The following EXPH5 variants were observed in gnomAD, a reference collection of about 807,000 sequenced individuals.
EXPH5 encodes exophilin-5.
EXPH5 carries 42 observed loss-of-function variants against 41.1 expected under a neutral mutation model. The observed-to-expected ratio is 1.02, with a 90% CI of 0.80 to 1.32. The LOEUF (loss-of-function observed/expected upper bound fraction) is 1.32. EXPH5 is among the 40% of genes most tolerant of loss of function. The pLI, the probability that EXPH5 is intolerant of heterozygous loss-of-function variation, is 0.00. For synonymous variants in EXPH5, 798 were observed against 833.5 expected (o/e 0.96, Z 0.73); for missense variants, 2,298 against 2,314.5 (o/e 0.99, Z 0.15).
At chr11:108,580,692 CAT>C (rs34683420) in intron 1 of EXPH5, among the ~76,000 whole-genome samples, 46,372 of 151,922 alleles carry the variant, frequency 0.31, 7,954 homozygotes, top group Middle Eastern at 0.44. Context: ...GAAAATGTGG[CAT>C]ATATATACTG....
intron 1 of EXPH5, among the ~76,000 whole-genome samples, chr11:108,571,364 G>C (rs2094059359): frequency 6.6e-6 from 1 of 152,198 alleles, no homozygotes; most frequent in African/African-American, 2.4e-5. Flanking sequence ...GCTGAGAATA[G>C]GGGAGAAACT....
Position 108,513,457 on chromosome 11 carries a change from G to A in EXPH5, c.2050C>T (p.Pro684Ser). The change falls in exon 6 of 6, where the codon CCT (proline) becomes TCT (serine). Residue 684 changes from proline (P) to serine (S), a missense_variant. Pro to Ser is a moderately conservative substitution (Grantham distance 74). Transcript: ENST00000265843. ...ATATTGGGCTGGCTTTTGGCAAGAG[G>A]CAGAGAGTCAACTGAATTGCTGCTG... Reference protein sequence around the residue: ...VTSSNSVDSLPLAKSQPNILV... With the variant: ...VTSSNSVDSLSLAKSQPNILV... 6.2e-7 allele frequency: 1 copy of A among 1,613,576 alleles called. No individual in the cohort carries two copies. Among genetic ancestry groups the A allele is most frequent in the Non-Finnish European group, 8.5e-7 (1 of 1,179,722 alleles).
At chr11:108,586,262 T>G (rs2094112547) in intron 1 of EXPH5, among the ~76,000 whole-genome samples, 1 of 152,186 alleles carries the variant, frequency 6.6e-6, no homozygotes, top group Non-Finnish European at 1.5e-5. Flanking sequence ...AATGAATTAT[T>G]TATACATACG....
At chr11:108,562,466 G>A (rs2094016982) in intron 1 of EXPH5, among the ~76,000 whole-genome samples, 1 of 151,466 alleles carries the variant, frequency 6.6e-6, no homozygotes, top group African/African-American at 2.4e-5. Flanking sequence ...AAAATTAGCT[G>A]GGTATGCTGG....
intron 1 of EXPH5, among the ~76,000 whole-genome samples, chr11:108,579,208 T>TC (rs1276958782): frequency 6.6e-6 from 1 of 152,048 alleles, no homozygotes; most frequent in African/African-American, 2.4e-5. Context: ...GAGTTTTTTT[T>TC]TTTTTTATCA....
the EXPH5 span, among the ~76,000 whole-genome samples, chr11:108,599,231 A>C: frequency 1.3e-5 from 2 of 152,206 alleles, no homozygotes; most frequent in Non-Finnish European, 2.9e-5. Flanking sequence ...ATAAGGATTA[A>C]ATGTTTTAAA....
chr11:108,538,663 A>G (rs536738686), intron 3 of EXPH5, among the ~76,000 whole-genome samples: 1 of 152,320 alleles, frequency 6.6e-6, no homozygotes, highest in South Asian at 2.1e-4. Context: ...ACCAGGACAC[A>G]TACTCTGCAA....
chr11:108,545,200 G>C (rs1197548768), intron 1 of EXPH5, among the ~76,000 whole-genome samples: 2 of 152,172 alleles, frequency 1.3e-5, no homozygotes, highest in Non-Finnish European at 2.9e-5. Context: ...GATTGCTTGA[G>C]TCCAGGAATT....
chr11:108,517,849 C>T (rs1312139764), intron 5 of EXPH5, among the ~76,000 whole-genome samples: 1 of 152,166 alleles, frequency 6.6e-6, no homozygotes, highest in Middle Eastern at 3.4e-3. Context: ...ACCTCCGCCT[C>T]CCAGGTTCAA....
At chr11:108,521,824 T>A (rs2093766715) in intron 4 of EXPH5, among the ~76,000 whole-genome samples, 2 of 152,224 alleles carry the variant, frequency 1.3e-5, no homozygotes, top group South Asian at 4.1e-4. Flanking sequence ...GTAGGCATAA[T>A]TCTCTCTCGA....
At chr11:108,534,023 G>A (rs1381066047) in intron 3 of EXPH5, among the ~76,000 whole-genome samples, 1 of 152,080 alleles carries the variant, frequency 6.6e-6, no homozygotes. Context: ...TCAAACTCTT[G>A]GCCTCAAGTG....
chr11:108,599,672 T>A, the EXPH5 span, among the ~76,000 whole-genome samples: 1 of 152,244 alleles, frequency 6.6e-6, no homozygotes, highest in Non-Finnish European at 1.5e-5. Flanking sequence ...TTATAGCAAT[T>A]CTACCTACTT....
intron 1 of EXPH5, among the ~76,000 whole-genome samples, chr11:108,547,383 G>A (rs1198721015): frequency 6.6e-6 from 1 of 151,858 alleles, no homozygotes; most frequent in East Asian, 1.9e-4. Flanking sequence ...TTGTAGAGAT[G>A]GAGATCTCTA....
chr11:108,593,327 G>A, intron 1 of EXPH5, 91 bp downstream of exon 1: 1 of 1,145,088 alleles, frequency 8.7e-7, no homozygotes, highest in Admixed American at 2.0e-5. Flanking sequence ...CCCCCGGGCA[G>A]GTGCCCCGCG....
intron 1 of EXPH5, among the ~76,000 whole-genome samples, chr11:108,579,807 T>A (rs775252470): frequency 1.3e-5 from 2 of 152,058 alleles, no homozygotes; most frequent in Non-Finnish European, 1.5e-5. Context: ...TTGGTGCAAA[T>A]GGAGAGAGTT....
chr11:108,514,857 C>T lies in EXPH5; in HGVS notation c.650G>A (p.Ser217Asn), dbSNP rs2135932769. 1 of 1,459,498 alleles carries T rather than the reference C, an allele frequency of 6.9e-7. No individual in the cohort carries two copies. Among genetic ancestry groups the T allele is most frequent in the South Asian group, 1.7e-5 (1 of 59,844 alleles). 90.4% of individuals were successfully genotyped at this position (1,459,498 alleles called of 1,614,324 possible). A position where few individuals can be genotyped will look rare whatever the true frequency, so the allele number is the denominator to read the frequency against. ...EFFQVLDDLD[S>N]KLAQEQSASS... ...TGCAGACTGTTCCTGAGCCAATTTG[C>T]TATCCAAGTCATCTAAAACTGAAAA... Residue 217 changes from serine (S) to asparagine (N), a missense_variant, in exon 6 of 6, where the codon AGC (serine) becomes AAC (asparagine). Physicochemically the swap from Ser to Asn is conservative, Grantham distance 46. Coordinates refer to ENST00000265843, the MANE Select transcript of EXPH5 (RefSeq NM_015065.3).
At position 108,512,001 on chromosome 11, in the gene EXPH5, G is replaced by A. The variant is rs750622889; in HGVS notation, c.3506C>T (p.Ser1169Phe). ...RIISPVESDS[S>F]VRDCSLTKRQ... is the part of the protein sequence containing the mutation. ...TTTGGTTAAAGAACAATCTCTAACA[G>A]ATGAGTCACTTTCCACAGGGCTAAT... is the stretch of plus-strand genomic sequence containing the variant. The change falls in exon 6 of 6, where the codon TCT becomes TTT. Residue 1169 changes from serine (S) to phenylalanine (F), a missense_variant. Ser to Phe is a radical substitution (Grantham distance 155). Transcript: ENST00000265843. 1.3e-6 allele frequency: 2 copies of A among 1,593,524 alleles called. No homozygotes were observed. The highest frequency in any genetic ancestry group is 8.5e-7 in the Non-Finnish European group (1 of 1,173,548).
At chr11:108,601,415 AGACT>A in the EXPH5 span, among the ~76,000 whole-genome samples, 4 of 152,234 alleles carry the variant, frequency 2.6e-5, no homozygotes, top group African/African-American at 4.8e-5. Flanking sequence ...AGTATTTCCA[AGACT>A]GACTAAGAAA....
At chr11:108,568,849 C>G (rs1198694596) in intron 1 of EXPH5, among the ~76,000 whole-genome samples, 2 of 152,168 alleles carry the variant, frequency 1.3e-5, no homozygotes, top group Non-Finnish European at 2.9e-5. Flanking sequence ...CTCTTCCTCC[C>G]TAATCGAGGC....
Sources: gnomAD v4.1 joint callset for allele counts (sites outside exome capture counted in the v4.1 genomes callset) on GRCh38, gnomAD v4.1.1 for gene constraint, MANE v1.5 for transcripts, NCBI Gene and HGNC (gene_info 2026-07-23, HGNC 2026-07-21) for gene names.